Variants in FHIT observed in about 807,000 individuals in gnomAD.
The protein encoded by FHIT is bis(5'-adenosyl)-triphosphatase.
In FHIT, 19 loss-of-function variants were observed where a neutral mutation model predicts 17.9. The observed-to-expected ratio is 1.06, with a 90% CI of 0.74 to 1.56. FHIT has a LOEUF of 1.56. Among genes scored for constraint, FHIT ranks in the 40% most tolerant of loss-of-function variants. The probability of loss-of-function intolerance (pLI) is 0.00; values close to 1 mark genes in which losing one functional copy is unlikely to be tolerated. For missense variants in FHIT, 248 were observed against 189.2 expected (o/e 1.31, Z -1.82); for synonymous variants, 81 against 69.7 (o/e 1.16, Z -0.81).
chr3:60,581,805 C>A (rs937204898), intron 4 of FHIT, among the ~76,000 whole-genome samples: 3 of 151,996 alleles, frequency 2.0e-5, no homozygotes, highest in Admixed American at 2.0e-4. Flanking sequence ...GTGGGATTTA[C>A]AGTGGGAGAA....
At chr3:61,205,155 C>A (rs2039178625) in intron 1 of FHIT, among the ~76,000 whole-genome samples, 1 of 152,080 alleles carries the variant, frequency 6.6e-6, no homozygotes, top group Non-Finnish European at 1.5e-5. Flanking sequence ...ATGAACTCAT[C>A]ATTTTTTATG....
At chr3:60,628,804 A>T (rs2039363148) in intron 4 of FHIT, among the ~76,000 whole-genome samples, 1 of 152,130 alleles carries the variant, frequency 6.6e-6, no homozygotes, top group Admixed American at 6.5e-5. Context: ...AATTCCTATG[A>T]GCTTCAGAGT....
At position 60,785,290 on chromosome 3, in the gene FHIT, G is replaced by A. The variant is rs75646304; in HGVS notation, c.-18+36629C>T. The stretch of plus-strand genomic sequence containing the variant: ...GGTCTGAAAGTGATGACTGAGACTA[G>A]CCCTTGGCTGTGGTGATTAAGATCT... On this transcript the variant is annotated intron_variant, in intron 4 of 9. Transcript: ENST00000492590. Among the ~76,000 whole-genome samples the A allele has an allele frequency of 9.6e-3, 1,466 of 152,320 alleles. 27 individuals are homozygous for A. Among genetic ancestry groups the A allele is most frequent in the African/African-American group, 0.033 (1,374 of 41,562 alleles).
intron 5 of FHIT, among the ~76,000 whole-genome samples, chr3:60,533,655 T>C (rs2035869419): frequency 6.6e-6 from 1 of 151,850 alleles, no homozygotes; most frequent in South Asian, 2.1e-4. Context: ...TCAGATGAAA[T>C]GAAAAGCATG....
intron 3 of FHIT, among the ~76,000 whole-genome samples, chr3:60,997,349 C>A (rs2030745475): frequency 6.6e-6 from 1 of 152,064 alleles, no homozygotes; most frequent in African/African-American, 2.4e-5. Context: ...GTTTGTCTGT[C>A]TGTCTCTTTC....
intron 4 of FHIT, among the ~76,000 whole-genome samples, chr3:60,714,570 A>G (rs1350914847): frequency 3.9e-5 from 6 of 152,232 alleles, no homozygotes; most frequent in African/African-American, 4.8e-5. Flanking sequence ...TAAGCTGATA[A>G]GCAACTTCAG....
chr3:60,366,475 A>G (rs1376129683), intron 5 of FHIT, among the ~76,000 whole-genome samples: 1 of 152,154 alleles, frequency 6.6e-6, no homozygotes, highest in African/African-American at 2.4e-5. Context: ...TATGTTTTGA[A>G]TATCCCCTCC....
intron 5 of FHIT, among the ~76,000 whole-genome samples, chr3:60,455,224 C>T (rs1249360973): frequency 1.3e-5 from 2 of 152,094 alleles, no homozygotes; most frequent in African/African-American, 2.4e-5. Context: ...CAACCCCAAT[C>T]GGGTTGGGTT....
intron 8 of FHIT, among the ~76,000 whole-genome samples, chr3:59,758,938 C>G (rs183008192): frequency 1.3e-4 from 20 of 151,976 alleles, no homozygotes; most frequent in South Asian, 1.0e-3. Flanking sequence ...TAGAAAGCTA[C>G]ATTTTTCATG....
At chr3:59,901,471 T>C (rs1030358041) in intron 8 of FHIT, among the ~76,000 whole-genome samples, 3 of 152,162 alleles carry the variant, frequency 2.0e-5, no homozygotes, top group African/African-American at 4.8e-5. Flanking sequence ...AGAATCTGAA[T>C]AGACATTCCT....
At chr3:60,067,545 T>C (rs2630172) in intron 5 of FHIT, among the ~76,000 whole-genome samples, 50,825 of 152,116 alleles carry the variant, frequency 0.33, 9,818 homozygotes, top group African/African-American at 0.53. Context: ...TTGCTAGTCA[T>C]ATTTGTCAAG....
intron 5 of FHIT, among the ~76,000 whole-genome samples, chr3:60,254,005 G>A (rs375116212): frequency 4.6e-5 from 7 of 152,094 alleles, no homozygotes; most frequent in African/African-American, 1.2e-4. Context: ...AAGTTAGTAC[G>A]ATGAATACCT....
At chr3:61,021,144 T>C (rs2032401226) in intron 3 of FHIT, among the ~76,000 whole-genome samples, 1 of 152,072 alleles carries the variant, frequency 6.6e-6, no homozygotes, top group African/African-American at 2.4e-5. Context: ...AACAAGAATA[T>C]TCAGGACTTG....
chr3:60,084,661 G>C (rs995596054), intron 5 of FHIT, among the ~76,000 whole-genome samples: 1 of 152,040 alleles, frequency 6.6e-6, no homozygotes, highest in Non-Finnish European at 1.5e-5. Context: ...AAAATGATAC[G>C]AGTAAACACG....
At chr3:59,767,666 G>A (rs946190599) in intron 8 of FHIT, among the ~76,000 whole-genome samples, 7 of 152,134 alleles carry the variant, frequency 4.6e-5, no homozygotes, top group African/African-American at 1.7e-4. Flanking sequence ...GCTCTATTGA[G>A]TGCTTGCTGT....
intron 5 of FHIT, among the ~76,000 whole-genome samples, chr3:60,111,823 C>T (rs868247037): frequency 6.6e-6 from 1 of 152,198 alleles, no homozygotes; most frequent in African/African-American, 2.4e-5. Flanking sequence ...TTTAGACTTG[C>T]ACAGCCAAGG....
intron 3 of FHIT, among the ~76,000 whole-genome samples, chr3:60,886,347 T>C (rs1553759259): frequency 1.3e-5 from 2 of 152,226 alleles, no homozygotes. Flanking sequence ...CCAATATTCA[T>C]GAGAAGAACT....
At chr3:60,866,459 A>C (rs1435176383) in intron 3 of FHIT, among the ~76,000 whole-genome samples, 6 of 152,064 alleles carry the variant, frequency 3.9e-5, no homozygotes, top group African/African-American at 1.2e-4. Context: ...CCACATGGGG[A>C]GGAACTGAGG....
At chr3:60,739,093 G>A (rs1212248384) in intron 4 of FHIT, among the ~76,000 whole-genome samples, 1 of 152,082 alleles carries the variant, frequency 6.6e-6, no homozygotes, top group Non-Finnish European at 1.5e-5. Flanking sequence ...AAACTCCAGG[G>A]GAAGATCATC....
Sources: allele counts gnomAD v4.1 joint callset (sites outside exome capture counted in the v4.1 genomes callset), GRCh38; gene constraint gnomAD v4.1.1; transcripts MANE v1.5; gene names NCBI Gene and HGNC (gene_info 2026-07-23, HGNC 2026-07-21).